DPP6: variants seen among roughly 807,000 people sequenced by gnomAD.
The protein encoded by DPP6 is A-type potassium channel modulatory protein DPP6.
DPP6 carries 69 observed loss-of-function variants against 122.6 expected under a neutral mutation model. The ratio of observed to expected loss-of-function variants is 0.56; its 90% CI spans 0.46 to 0.69. The LOEUF is 0.69. DPP6 is among the 30% of genes least tolerant of loss of function. The pLI is 0.00. For synonymous variants in DPP6, 418 were observed against 433.1 expected (o/e 0.97, Z 0.43); for missense variants, 928 against 1,116.9 (o/e 0.83, Z 2.41).
chr7:154,594,898 G>A (rs531716273), intron 5 of DPP6, among the ~76,000 whole-genome samples: 9 of 152,276 alleles, frequency 5.9e-5, no homozygotes, highest in Admixed American at 3.3e-4. Flanking sequence ...ACACAATGCC[G>A]GGCGGATTGT....
intron 1 of DPP6, among the ~76,000 whole-genome samples, chr7:154,261,942 G>GT (rs1803048335): frequency 1.3e-5 from 2 of 152,136 alleles, no homozygotes; most frequent in South Asian, 4.2e-4. Context: ...CAAAGAGGAG[G>GT]TATGGGAGAG....
intron 7 of DPP6, among the ~76,000 whole-genome samples, chr7:154,688,551 C>T (rs751501225): frequency 6.6e-5 from 10 of 152,076 alleles, no homozygotes; most frequent in Non-Finnish European, 1.5e-4. Flanking sequence ...TATTAACTTA[C>T]ACGATCACAA....
chr7:154,342,071 C>T (rs145493334), intron 1 of DPP6, among the ~76,000 whole-genome samples: 2 of 152,164 alleles, frequency 1.3e-5, no homozygotes, highest in Non-Finnish European at 2.9e-5. Flanking sequence ...GCACAGCTTC[C>T]CTCTAGAAAA....
chr7:154,259,726 T>G (rs573279987), intron 1 of DPP6, among the ~76,000 whole-genome samples: 1 of 152,330 alleles, frequency 6.6e-6, no homozygotes, highest in African/African-American at 2.4e-5. Flanking sequence ...TTTACAGAAT[T>G]GCTGTCATCG....
At chr7:154,689,439 T>G (rs1440276625) in intron 7 of DPP6, among the ~76,000 whole-genome samples, 8 of 152,018 alleles carry the variant, frequency 5.3e-5, no homozygotes, top group African/African-American at 1.7e-4. Flanking sequence ...ATCATGTGGG[T>G]TTTTTTTCCT....
At chr7:154,287,403 T>A (rs1473135759) in intron 1 of DPP6, among the ~76,000 whole-genome samples, 2 of 152,140 alleles carry the variant, frequency 1.3e-5, no homozygotes, top group African/African-American at 4.8e-5. Flanking sequence ...GTTGCCGGGG[T>A]TTGGACAAAT....
chr7:154,125,134 C>G (rs1807783468), intron 1 of DPP6, among the ~76,000 whole-genome samples: 1 of 152,158 alleles, frequency 6.6e-6, no homozygotes, highest in Admixed American at 6.5e-5. Context: ...TAAAATGTCA[C>G]TAGGAGCAGT....
At chr7:154,431,531 TTTC>T (rs1818413927) in intron 1 of DPP6, among the ~76,000 whole-genome samples, 2 of 92,774 alleles carry the variant, frequency 2.2e-5, no homozygotes, top group African/African-American at 1.2e-4. Flanking sequence ...TCTTTCTTTC[TTTC>T]TTTTTTTTTT....
chr7:154,317,779 T>C (rs4612250), intron 1 of DPP6, among the ~76,000 whole-genome samples: 89,130 of 152,060 alleles, frequency 0.59, 26,606 homozygotes, highest in South Asian at 0.67. Context: ...TGTTTTGGCT[T>C]GGCTTGAAAC....
At chr7:154,840,094 C>T (rs1026548533) in intron 16 of DPP6, among the ~76,000 whole-genome samples, 2 of 152,190 alleles carry the variant, frequency 1.3e-5, no homozygotes, top group Non-Finnish European at 2.9e-5. Context: ...GCTACATCCT[C>T]GAGTCCAAAA....
At position 154,816,272 on chromosome 7, in the gene DPP6, A is replaced by C. The variant is rs534695367; in HGVS notation, c.1666+9160A>C. Among the ~76,000 whole-genome samples the C allele has an allele frequency of 4.1e-3, 621 of 152,220 alleles. 4 individuals are homozygous for C. Among genetic ancestry groups the C allele is most frequent in the Middle Eastern group, 0.014 (4 of 294 alleles). ...CTGAAAATATTATAAACAATAAGAT[A>C]TTTTGAGAGAGAGAGACACCACATT... On this transcript the variant is annotated intron_variant, in intron 16 of 25. Coordinates refer to ENST00000377770, the MANE Select transcript of DPP6 (RefSeq NM_130797.4).
At chr7:154,141,334 T>C (rs553444136) in intron 1 of DPP6, among the ~76,000 whole-genome samples, 2 of 152,322 alleles carry the variant, frequency 1.3e-5, no homozygotes, top group African/African-American at 4.8e-5. Flanking sequence ...ACGACTCTTT[T>C]CCCCACCCCT....
intron 1 of DPP6, among the ~76,000 whole-genome samples, chr7:154,348,266 TAGAG>T (rs1203845928): frequency 6.6e-6 from 1 of 152,252 alleles, no homozygotes; most frequent in Non-Finnish European, 1.5e-5. Flanking sequence ...ATTCTTGAAA[TAGAG>T]AGGTTTTCGT....
At chr7:154,276,382 A>T (rs1174174764) in intron 1 of DPP6, among the ~76,000 whole-genome samples, 1 of 152,224 alleles carries the variant, frequency 6.6e-6, no homozygotes, top group Non-Finnish European at 1.5e-5. Flanking sequence ...GGTGTGACAT[A>T]CGTGAAGTTG....
At chr7:154,398,851 G>C (rs924405205) in intron 1 of DPP6, among the ~76,000 whole-genome samples, 1 of 152,114 alleles carries the variant, frequency 6.6e-6, no homozygotes, top group African/African-American at 2.4e-5. Flanking sequence ...CAAGACTCAG[G>C]CACACTGAAG....
At chr7:154,243,774 C>T (rs944281101) in intron 1 of DPP6, among the ~76,000 whole-genome samples, 18 of 151,312 alleles carry the variant, frequency 1.2e-4, no homozygotes, top group African/African-American at 2.2e-4. Flanking sequence ...CCAGCCTGGG[C>T]GACAGTGCAA....
the DPP6 span, among the ~76,000 whole-genome samples, chr7:153,877,938 A>G: frequency 1.3e-5 from 2 of 152,190 alleles, no homozygotes; most frequent in African/African-American, 4.8e-5. Context: ...GGACACTACA[A>G]ATGACAAATG....
intron 1 of DPP6, among the ~76,000 whole-genome samples, chr7:154,018,241 G>C (rs1347982861): frequency 1.3e-5 from 2 of 151,774 alleles, no homozygotes; most frequent in South Asian, 2.1e-4. Flanking sequence ...ACATCTGTTT[G>C]GTTTATTGCA....
intron 2 of DPP6, among the ~76,000 whole-genome samples, chr7:154,473,560 C>T (rs1822472875): frequency 6.6e-6 from 1 of 152,096 alleles, no homozygotes; most frequent in African/African-American, 2.4e-5. Context: ...AAGGAAGAAA[C>T]CAAAAGTGAC....
Sources: gnomAD v4.1 joint callset for allele counts (sites outside exome capture counted in the v4.1 genomes callset) on GRCh38, gnomAD v4.1.1 for gene constraint, MANE v1.5 for transcripts, NCBI Gene and HGNC (gene_info 2026-07-23, HGNC 2026-07-21) for gene names.